CSMD3: variants seen among roughly 807,000 people sequenced by gnomAD.
CSMD3 encodes the protein CUB and sushi domain-containing protein 3.
A neutral mutation model predicts 435.2 loss-of-function variants in CSMD3; 177 were observed. The observed-to-expected ratio is 0.41, with a 90% CI of 0.36 to 0.46. The LOEUF is 0.46. CSMD3 is among the 20% of genes least tolerant of loss of function. The pLI is 0.34. For synonymous variants in CSMD3, 1,656 were observed against 1,520.5 expected (o/e 1.09, Z -2.07); for missense variants, 4,265 against 4,504.6 (o/e 0.95, Z 1.52).
At chr8:112,741,980 G>T (rs550525789) in intron 13 of CSMD3, among the ~76,000 whole-genome samples, 3 of 151,866 alleles carry the variant, frequency 2.0e-5, no homozygotes, top group East Asian at 1.9e-4. Context: ...GAATTAATAG[G>T]CTTGACAGAA....
At chr8:112,251,091 T>C (rs1417008887) in intron 63 of CSMD3, among the ~76,000 whole-genome samples, 1 of 151,840 alleles carries the variant, frequency 6.6e-6, no homozygotes, top group Non-Finnish European at 1.5e-5. Flanking sequence ...TTTTCATCAA[T>C]GCATTTATTT....
At chr8:112,693,944 A>T (rs1384085069) in intron 13 of CSMD3, among the ~76,000 whole-genome samples, 1 of 151,692 alleles carries the variant, frequency 6.6e-6, no homozygotes, top group Middle Eastern at 3.2e-3. Flanking sequence ...CAGTTTACTA[A>T]TTCACTGTTT....
intron 13 of CSMD3, among the ~76,000 whole-genome samples, chr8:112,751,645 T>A (rs1252309734): frequency 2.0e-5 from 2 of 101,820 alleles, no homozygotes; most frequent in Non-Finnish European, 4.8e-5. Context: ...TTTTTTTTTA[T>A]ATATTTTACC....
chr8:112,274,274 G>A (rs1161734010), intron 59 of CSMD3, among the ~76,000 whole-genome samples: 2 of 151,796 alleles, frequency 1.3e-5, no homozygotes, highest in African/African-American at 4.8e-5. Context: ...AGGCAACAAA[G>A]CACAGTGATT....
chr8:113,091,363 T>C (rs1037579106), intron 5 of CSMD3, among the ~76,000 whole-genome samples: 10 of 152,134 alleles, frequency 6.6e-5, no homozygotes, highest in Non-Finnish European at 1.5e-4. Context: ...CTCCTTTAAA[T>C]GTTTGGTAGA....
chr8:112,247,664 G>A (rs1161309705), intron 63 of CSMD3, among the ~76,000 whole-genome samples: 1 of 152,106 alleles, frequency 6.6e-6, no homozygotes, highest in Non-Finnish European at 1.5e-5. Flanking sequence ...TAAGGGTATA[G>A]TAATTAGGAG....
At chr8:112,737,021 A>G (rs1415347835) in intron 13 of CSMD3, among the ~76,000 whole-genome samples, 3 of 151,918 alleles carry the variant, frequency 2.0e-5, no homozygotes, top group Non-Finnish European at 4.4e-5. Flanking sequence ...GTTAATATTT[A>G]TCTCCGTGCT....
At chr8:112,527,686 A>C (rs935727833) in intron 27 of CSMD3, among the ~76,000 whole-genome samples, 1 of 152,022 alleles carries the variant, frequency 6.6e-6, no homozygotes, top group Non-Finnish European at 1.5e-5. Flanking sequence ...AACAAGTCTC[A>C]GTAAATTTAA....
chr8:113,033,814 T>C (rs1299083033), intron 5 of CSMD3, among the ~76,000 whole-genome samples: 2 of 151,400 alleles, frequency 1.3e-5, no homozygotes, highest in African/African-American at 4.8e-5. Context: ...CCCAACCAAA[T>C]GTCATTTTGA....
chr8:112,485,845 G>A (rs1298942124), intron 31 of CSMD3, among the ~76,000 whole-genome samples: 1 of 151,892 alleles, frequency 6.6e-6, no homozygotes, highest in Non-Finnish European at 1.5e-5. Context: ...ACAGAGAATG[G>A]TGCCAGAAGA....
intron 12 of CSMD3, among the ~76,000 whole-genome samples, chr8:112,815,811 A>G (rs2079359725): frequency 6.6e-6 from 1 of 152,202 alleles, no homozygotes; most frequent in Non-Finnish European, 1.5e-5. Context: ...AAAAATAATG[A>G]TGAACCACAC....
intron 10 of CSMD3, among the ~76,000 whole-genome samples, chr8:112,898,037 A>G (rs1186174497): frequency 1.3e-5 from 2 of 151,174 alleles, no homozygotes; most frequent in East Asian, 3.9e-4. Flanking sequence ...ATTATTTGTT[A>G]TACGTATAGA....
chr8:113,296,277 C>T (rs966174788), intron 2 of CSMD3, among the ~76,000 whole-genome samples: 17 of 119,730 alleles, frequency 1.4e-4, no homozygotes, highest in African/African-American at 4.9e-4. Context: ...GCACATGTAC[C>T]CTAGAACTTA....
intron 66 of CSMD3, 101 bp from the exon 67 acceptor site, chr8:112,237,449 T>A: frequency 2.3e-6 from 2 of 857,732 alleles, no homozygotes; most frequent in Middle Eastern, 3.2e-4. Context: ...GTATTGCTAA[T>A]ACACAATAAT....
At chr8:112,603,317 T>G (rs1832526967) in intron 22 of CSMD3, among the ~76,000 whole-genome samples, 1 of 152,336 alleles carries the variant, frequency 6.6e-6, no homozygotes, top group South Asian at 2.1e-4. Flanking sequence ...TCTGAGAAAT[T>G]ACACAAATCA....
At chr8:112,376,169 A>T (rs911454626) in intron 38 of CSMD3, among the ~76,000 whole-genome samples, 1 of 152,180 alleles carries the variant, frequency 6.6e-6, no homozygotes, top group African/African-American at 2.4e-5. Context: ...TACCACAAAT[A>T]TATCTATTAC....
chr8:112,847,017 A>C (rs1233664368), intron 11 of CSMD3, among the ~76,000 whole-genome samples: 1 of 151,974 alleles, frequency 6.6e-6, no homozygotes, highest in African/African-American at 2.4e-5. Context: ...TCTAATTTCC[A>C]TCTAATTGTT....
intron 32 of CSMD3, among the ~76,000 whole-genome samples, chr8:112,448,990 G>A (rs1247798818): frequency 6.6e-6 from 1 of 152,062 alleles, no homozygotes; most frequent in Middle Eastern, 3.2e-3. Context: ...ATGTTGTTTT[G>A]TTTGCTACTC....
At chr8:112,334,373 A>C (rs986476993) in intron 45 of CSMD3, among the ~76,000 whole-genome samples, 2 of 152,204 alleles carry the variant, frequency 1.3e-5, no homozygotes, top group African/African-American at 4.8e-5. Context: ...TTTTCATGGA[A>C]TATAAGCTTT....
Sources: gnomAD v4.1 joint callset for allele counts (sites outside exome capture counted in the v4.1 genomes callset) on GRCh38, gnomAD v4.1.1 for gene constraint, MANE v1.5 for transcripts, NCBI Gene and HGNC (gene_info 2026-07-23, HGNC 2026-07-21) for gene names.